The following RASGRF1 variants were observed in gnomAD, a reference collection of about 807,000 sequenced individuals.
RASGRF1 encodes the protein Ras protein specific guanine nucleotide releasing factor 1, also known as ras-specific guanine nucleotide-releasing factor 1.
Under a neutral mutation model 138.7 loss-of-function variants are expected in RASGRF1, and 40 were observed. That is an observed-to-expected ratio of 0.29 (90% CI 0.22 to 0.38). The LOEUF (loss-of-function observed/expected upper bound fraction) is 0.38, where lower values mean the gene tolerates loss of function less well. Ranked by LOEUF, RASGRF1 falls within the 10% of genes least tolerant of loss-of-function variation. The probability of loss-of-function intolerance (pLI) is 1.00; values close to 1 mark genes in which losing one functional copy is unlikely to be tolerated. For missense variants in RASGRF1, 1,108 were observed against 1,650.4 expected (o/e 0.67, Z 5.69); for synonymous variants, 614 against 663.2 (o/e 0.93, Z 1.14).
rs994677379 is a variant in RASGRF1 at position 79,050,569 on chromosome 15, C to T, written c.532-981G>A. Among the ~76,000 whole-genome samples, 1 of 152,236 alleles carries T rather than the reference C, an allele frequency of 6.6e-6. No individual in the cohort carries two copies. Among genetic ancestry groups the T allele is most frequent in the African/African-American group, 2.4e-5 (1 of 41,452 alleles). On this transcript the variant is annotated intron_variant, in intron 3 of 26. Coordinates refer to ENST00000558480, the MANE Select transcript of RASGRF1 (RefSeq NM_001145648.3). The surrounding 1 kb of genome is among the most constrained non-coding windows in gnomAD (Gnocchi z 4.1). Reference sequence around the variant, plus strand: ...GCCTATTTCAATCATAACCTGGAAACTGCTGGCCTAGAAAAGTGGAGCAGC... The same window carrying T: ...GCCTATTTCAATCATAACCTGGAAATTGCTGGCCTAGAAAAGTGGAGCAGC...
Position 78,998,129 on chromosome 15 carries a change from G to A in RASGRF1, c.2933C>T (p.Thr978Ile), listed in dbSNP as rs764312309. 2 of 1,614,014 alleles carry A rather than the reference G, an allele frequency of 1.2e-6. No homozygotes were observed. The highest frequency in any genetic ancestry group is 1.7e-6 in the Non-Finnish European group (2 of 1,179,964). The change falls in exon 19 of 27, where the codon ACC (threonine) becomes ATC (isoleucine). Residue 978 changes from threonine to isoleucine, a missense_variant. Physicochemically the swap from Thr to Ile is moderately conservative, Grantham distance 89. This residue lies in a region of RASGRF1 where 686 missense variants were observed against 976.7 expected (regional missense o/e 0.70). Coordinates refer to ENST00000558480, the MANE Select transcript of RASGRF1 (RefSeq NM_001145648.3). ...EEVMHDPELL[T>I]QERKAAANII... ...GTTGGCTGCAGCCTTCCGCTCCTGG[G>A]TCAGGAGCTCCGGGTCGTGCATGAC... is the stretch of plus-strand genomic sequence containing the variant.
intron 16 of RASGRF1, among the ~76,000 whole-genome samples, chr15:79,001,204 G>A (rs1307293392): frequency 6.6e-6 from 1 of 152,194 alleles, no homozygotes; most frequent in African/African-American, 2.4e-5. Context: ...GATGAAAGGG[G>A]TCTGTGCAGA....
intron 20 of RASGRF1, among the ~76,000 whole-genome samples, chr15:78,994,124 C>T (rs2056339752): frequency 6.6e-6 from 1 of 152,220 alleles, no homozygotes. Context: ...TGTTGGGAAA[C>T]AGGAGCAGAG....
intron 13 of RASGRF1, among the ~76,000 whole-genome samples, chr15:79,010,028 G>GTTTT (rs1378014746): frequency 7.0e-6 from 1 of 143,322 alleles, no homozygotes. Context: ...CAGCCTCTTT[G>GTTTT]TTTGTTTTTT....
In RASGRF1 at chr15:79,009,715, A is replaced by G. The variant is rs183766621; in HGVS notation, c.1827-3281T>C. The stretch of plus-strand genomic sequence containing the variant: ...GGTTCCAGTGCCTCTGGCAATTCCA[A>G]TATTCTTTTTTTTTTTTCTTTTTAA... On this transcript the variant is annotated intron_variant, in intron 13 of 26. Coordinates refer to ENST00000558480, the MANE Select transcript of RASGRF1 (RefSeq NM_001145648.3). 5.5e-3 allele frequency among the ~76,000 whole-genome samples: 836 copies of G among 151,726 alleles called. 6 individuals are homozygous for G. Among genetic ancestry groups the G allele is most frequent in the African/African-American group, 0.019 (804 of 41,328 alleles).
Position 79,047,019 on chromosome 15 carries a change from G to A in RASGRF1, c.625-20C>T, listed in dbSNP as rs1160373119. ...CTGCACCTGAGCAGCAAGACCGGTGGGGAGAGGCTCCTGTCAGGGAGTCTG... is the reference window on the plus strand; with the variant it reads ...CTGCACCTGAGCAGCAAGACCGGTGAGGAGAGGCTCCTGTCAGGGAGTCTG... On this transcript the variant is annotated intron_variant, in intron 4 of 26. Transcript: ENST00000558480. 1 of 1,602,510 alleles carries A rather than the reference G, an allele frequency of 6.2e-7. No homozygotes were observed. The highest frequency in any genetic ancestry group is 8.5e-7 in the Non-Finnish European group (1 of 1,174,150).
intron 4 of RASGRF1, 33 bp from the exon 5 acceptor site, chr15:79,047,032 G>A (rs1442486734): frequency 1.3e-6 from 2 of 1,597,344 alleles, no homozygotes; most frequent in South Asian, 2.2e-5. Flanking sequence ...AGAGGCTCCT[G>A]TCAGGGAGTC....
At chr15:79,023,208 C>G (rs965308537) in intron 10 of RASGRF1, among the ~76,000 whole-genome samples, 2 of 151,544 alleles carry the variant, frequency 1.3e-5, no homozygotes, top group African/African-American at 4.8e-5. Context: ...CTGGCCCTTT[C>G]CAGGCCACAG....
intron 2 of RASGRF1, among the ~76,000 whole-genome samples, chr15:79,060,908 G>A (rs1030811084): frequency 6.7e-5 from 10 of 150,314 alleles, no homozygotes; most frequent in African/African-American, 2.3e-4. Context: ...TCCTGTCACC[G>A]GCTTGTGTCA....
In RASGRF1 at chr15:79,073,067, C is replaced by A. The variant is rs2057783711; in HGVS notation, c.277-8541G>T. ...AGGGACATCCTAGAACTCTCCAATG[C>A]AACAGAGAGCCTCATGCCCACCTTC... On this transcript the variant is annotated intron_variant, in intron 1 of 26. Transcript: ENST00000558480. This position sits in a 1 kb window ranked among gnomAD's most constrained non-coding sequence, Gnocchi z 4.2. Among the ~76,000 whole-genome samples, 1 of 152,222 alleles carries A rather than the reference C, an allele frequency of 6.6e-6. No individual in the cohort carries two copies. Among genetic ancestry groups the A allele is most frequent in the Admixed American group, 6.5e-5 (1 of 15,288 alleles).
In RASGRF1 at chr15:79,075,664, G is replaced by T. The variant is rs573825835; in HGVS notation, c.277-11138C>A. On this transcript the variant is annotated intron_variant, in intron 1 of 26. Transcript: ENST00000558480. ...TGGGGTGACCAACTGTCCTGGGTTT[G>T]CCTGAGACTAATGAGTTTCCTGGGG... 3.9e-5 allele frequency among the ~76,000 whole-genome samples: 6 copies of T among 152,334 alleles called. No individual in the cohort carries two copies. The South Asian group carries it at 1.2e-3, about 32-fold the overall frequency.
rs2055536221 is a variant in RASGRF1 at position 78,960,978 on chromosome 15, T to A, written c.*1166A>T. ...CATATATTTTTACAAAAATGGAAAT[T>A]TTTTTCCAAACAAGCTGTAAGTTGA... On this transcript the variant is annotated 3_prime_UTR_variant, in exon 27 of 27. Transcript: ENST00000558480. 6.6e-6 allele frequency: 1 copy of A among 152,196 alleles called. No individual in the cohort carries two copies. 9.4% of individuals were successfully genotyped at this position (152,196 alleles called of 1,614,324 possible).
chr15:78,989,564 G>T (rs2141653770), intron 22 of RASGRF1, among the ~76,000 whole-genome samples: 1 of 152,028 alleles, frequency 6.6e-6, no homozygotes, highest in African/African-American at 2.4e-5. Flanking sequence ...ACATTAAAGA[G>T]AATTAAACAT....
Position 79,032,072 on chromosome 15 carries a change from C to A in RASGRF1, c.1152+51G>T, listed in dbSNP as rs1595920993. ...GTGCCCCCACCGCCATGGTCCATCCCCCACACCTGCCTCCCTGACTCTACC... is the reference window on the plus strand; with the variant it reads ...GTGCCCCCACCGCCATGGTCCATCCACCACACCTGCCTCCCTGACTCTACC... On this transcript the variant is annotated intron_variant, in intron 7 of 26. Transcript: ENST00000558480. This position sits in a 1 kb window ranked among gnomAD's most constrained non-coding sequence, Gnocchi z 4.5. 1 of 1,573,618 alleles carries A rather than the reference C, an allele frequency of 6.4e-7. No homozygotes were observed. Among genetic ancestry groups the A allele is most frequent in the East Asian group, 2.3e-5 (1 of 43,786 alleles).
Position 79,000,038 on chromosome 15 carries a change from G to A in RASGRF1, c.2576-125C>T, listed in dbSNP as rs2056486271. The A allele has an allele frequency of 6.0e-6, 6 of 999,702 alleles. No homozygotes were observed. The East Asian group carries it at 1.5e-4, about 25-fold the overall frequency. 61.9% of individuals were successfully genotyped at this position (999,702 alleles called of 1,614,324 possible). On this transcript the variant is annotated intron_variant, in intron 16 of 26. Transcript: ENST00000558480. ...AGCAGGCTGTGTCTTCAGGGTACCA[G>A]GGCATGTCGGGTGGTGCTGGTGTGT...
At position 79,046,293 on chromosome 15, in the gene RASGRF1, T is replaced by C. The variant is rs2057353736; in HGVS notation, c.878+453A>G. Among the ~76,000 whole-genome samples the C allele has an allele frequency of 6.6e-6, 1 of 152,198 alleles. No individual in the cohort carries two copies. The highest frequency in any genetic ancestry group is 6.5e-5 in the Admixed American group (1 of 15,278). ...TACGTTTTGTAGCTTGATTTATAAC[T>C]CTTAAACATTTAAACCAGGGTTCCT... is the stretch of plus-strand genomic sequence containing the variant. On this transcript the variant is annotated intron_variant, in intron 5 of 26. Transcript: ENST00000558480. The surrounding 1 kb of genome is among the most constrained non-coding windows in gnomAD (Gnocchi z 5.3).
chr15:79,081,155 C>T (rs542047790), intron 1 of RASGRF1, among the ~76,000 whole-genome samples: 5 of 152,326 alleles, frequency 3.3e-5, no homozygotes, highest in East Asian at 1.9e-4. Context: ...TTCCCACTGC[C>T]GCCCCAAACC....
At chr15:79,054,321 G>T (rs919497705) in intron 3 of RASGRF1, among the ~76,000 whole-genome samples, 1 of 152,176 alleles carries the variant, frequency 6.6e-6, no homozygotes, top group African/African-American at 2.4e-5. Flanking sequence ...GAGGGCAGAG[G>T]TGTTTTCTAT....
intron 3 of RASGRF1, among the ~76,000 whole-genome samples, chr15:79,055,418 C>G (rs1047784017): frequency 3.3e-5 from 5 of 152,052 alleles, no homozygotes; most frequent in African/African-American, 1.2e-4. Flanking sequence ...GAGAGAGAGA[C>G]AGAGAGAGAC....
Sources: gnomAD v4.1 joint callset for allele counts (sites outside exome capture counted in the v4.1 genomes callset) on GRCh38, gnomAD v4.1.1 for gene constraint, gnomAD v4.1.1 regional missense constraint, Gnocchi (gnomAD v3.1) non-coding constraint, MANE v1.5 for transcripts, NCBI Gene and HGNC (gene_info 2026-07-23, HGNC 2026-07-21) for gene names.